Variants in OGDHL observed in about 807,000 individuals in gnomAD.
OGDHL encodes the protein oxoglutarate dehydrogenase L.
In OGDHL, 79 loss-of-function variants were observed where a neutral mutation model predicts 109.6. The observed-to-expected ratio is 0.72, with a 90% CI of 0.60 to 0.87. The LOEUF (loss-of-function observed/expected upper bound fraction) is 0.87, where lower values mean the gene tolerates loss of function less well. Among genes scored for constraint, OGDHL ranks in the 40% least tolerant of loss-of-function variants. The pLI, the probability that OGDHL is intolerant of heterozygous loss-of-function variation, is 0.00. For synonymous variants in OGDHL, 528 were observed against 537.2 expected, an observed-to-expected ratio of 0.98 and a Z score of 0.24; for missense variants, 1,275 against 1,362.2, an observed-to-expected ratio of 0.94 and a Z score of 1.01.
rs199803926 is a variant in OGDHL, at chr10:49,747,043, C to A, written c.1153G>T (p.Ala385Ser). The change falls in exon 9 of 23, where the codon GCC becomes TCC. Residue 385 changes from alanine (A) to serine (S), a missense_variant. By Grantham distance (99) the Ala-to-Ser change is moderately conservative. Coordinates refer to ENST00000374103, the MANE Select transcript of OGDHL (RefSeq NM_018245.3). ...GGTGAGCTCACCTTCTTGCCCTGGG[C>A]ATCTCCACGGTAGAACTGCTCTGCC... is the stretch of plus-strand genomic sequence containing the variant. ...TKAEQFYRGD[A>S]QGKKVMSILV... 2 of 1,614,022 alleles carry A rather than the reference C, an allele frequency of 1.2e-6. No individual in the cohort carries two copies. Among genetic ancestry groups the A allele is most frequent in the Admixed American group, 1.7e-5 (1 of 60,026 alleles).
At chr10:49,749,878 C>A in intron 7 of OGDHL, 62 bp from the exon 8 acceptor site, 3 of 1,448,482 alleles carry the variant, frequency 2.1e-6, no homozygotes, top group Non-Finnish European at 2.8e-6. Context: ...GTTCCCTCCC[C>A]CACTGTGGAG....
At position 49,745,449 on chromosome 10, in the gene OGDHL, G is replaced by A. The variant is rs1324734975; in HGVS notation, c.1524C>T (p.Phe508=). 1 of 1,614,126 alleles carries A rather than the reference G, an allele frequency of 6.2e-7. No individual in the cohort carries two copies. Among genetic ancestry groups the A allele is most frequent in the Non-Finnish European group, 8.5e-7 (1 of 1,180,028 alleles). ...RGHNEMDEPM[F]TQPLMYKQIH... is the part of the protein sequence containing the mutation. ...TCTGCTTGTACATGAGCGGCTGGGT[G>A]AACATGGGCTCGTCCATCTCATTGT... The change falls in exon 12 of 23, where the codon TTC becomes TTT. Residue 508 remains phenylalanine (F), a synonymous_variant. Coordinates refer to ENST00000374103, the MANE Select transcript of OGDHL (RefSeq NM_018245.3).
At chr10:49,755,192 C>G (rs565808177) in intron 3 of OGDHL, among the ~76,000 whole-genome samples, 1 of 152,018 alleles carries the variant, frequency 6.6e-6, no homozygotes, top group Admixed American at 6.5e-5. Context: ...TACAGTGAGT[C>G]GAGACTGCAT....
intron 12 of OGDHL, among the ~76,000 whole-genome samples, chr10:49,745,028 G>T (rs931888332): frequency 1.3e-5 from 2 of 152,218 alleles, no homozygotes; most frequent in Non-Finnish European, 2.9e-5. Context: ...CTCCATGAAG[G>T]TGGAAGGACG....
chr10:49,752,695 C>G lies in OGDHL; in HGVS notation c.421G>C (p.Asp141His), dbSNP rs747374874. The change falls in exon 4 of 23, where the codon GAT becomes CAT. Residue 141 changes from aspartate (D) to histidine (H), a missense_variant. Transcript: ENST00000374103. ...GGCACAAAGGAGTCCAGGTCTGCAT[C>G]CAGAATGCCCAGGGGGTCCAGCTGG... ...VAQLDPLGILDADLDSFVPSD... is the reference protein window; with the variant it reads ...VAQLDPLGILHADLDSFVPSD... The G allele has an allele frequency of 4.4e-5, 71 of 1,614,062 alleles. No individual in the cohort carries two copies. Among genetic ancestry groups the G allele is most frequent in the Non-Finnish European group, 5.5e-5 (65 of 1,180,034 alleles).
In OGDHL at chr10:49,745,422, G is replaced by T. The variant is rs780911440; in HGVS notation, c.1551C>A (p.Ile517=). The T allele has an allele frequency of 6.2e-6, 10 of 1,614,148 alleles. No homozygotes were observed. The highest frequency in any genetic ancestry group is 8.5e-6 in the Non-Finnish European group (10 of 1,180,036). Residue 517 remains isoleucine (I), a synonymous_variant, in exon 12 of 23, where the codon ATC becomes ATA. Transcript: ENST00000374103. ...MFTQPLMYKQ[I]HRQVPVLKKY... ...TCTTCAGCACAGGCACCTGTCTGTG[G>T]ATCTGCTTGTACATGAGCGGCTGGG...
At chr10:49,737,918 G>A (rs766393775) in intron 19 of OGDHL, 29 bp downstream of exon 19, 3 of 1,614,190 alleles carry the variant, frequency 1.9e-6, no homozygotes, top group Middle Eastern at 1.6e-4. Flanking sequence ...CCCCCTGCCT[G>A]TGACCCCTGC....
In OGDHL at chr10:49,747,067, C is replaced by T. The variant is rs1842245394; in HGVS notation, c.1129G>A (p.Ala377Thr). Residue 377 changes from alanine (A) to threonine (T), a missense_variant, in exon 9 of 23, where the codon GCA (alanine) becomes ACA (threonine). Ala to Thr is a moderately conservative substitution (Grantham distance 58). Transcript: ENST00000374103. ...GCATCTCCACGGTAGAACTGCTCTG[C>T]CTTTGTCTTCCCCTGCACCACAGGG... ...VDPVVQGKTK[A>T]EQFYRGDAQG... 6.2e-7 allele frequency: 1 copy of T among 1,614,196 alleles called. No individual in the cohort carries two copies. The highest frequency in any genetic ancestry group is 8.5e-7 in the Non-Finnish European group (1 of 1,180,020).
chr10:49,751,730 C>T (rs1169566258), intron 6 of OGDHL, 97 bp downstream of exon 6: 37 of 1,464,072 alleles, frequency 2.5e-5, no homozygotes, highest in Non-Finnish European at 3.2e-5. Context: ...TCCTGCCTTC[C>T]TGTGGTACCC....
rs369256161 is a variant in OGDHL at position 49,746,743 on chromosome 10, T to C, written c.1296+7A>G. On this transcript the variant is annotated splice_region_variant and intron_variant, in intron 10 of 22. Coordinates refer to ENST00000374103, the MANE Select transcript of OGDHL (RefSeq NM_018245.3). ...TGTGAGGCCCAGCGTGGAGCCTACA[T>C]GCTCACCTGGTTGTTGACGACGACG... 2.3e-5 allele frequency: 37 copies of C among 1,613,988 alleles called. No homozygotes were observed. In the East Asian group the frequency reaches 3.6e-4, roughly 16 times the overall value.
Position 49,761,049 on chromosome 10 carries a change from C to A in OGDHL, c.-2+1190G>T, listed in dbSNP as rs1588822983. ...CCCAGCCTGGCAGGAGGGCAGCCTG[C>A]CACCCACCCCCACCTGCATCCCAGC... is the stretch of plus-strand genomic sequence containing the variant. On this transcript the variant is annotated intron_variant, in intron 1 of 22. Coordinates refer to ENST00000374103, the MANE Select transcript of OGDHL (RefSeq NM_018245.3). Among the ~76,000 whole-genome samples, 3 of 152,308 alleles carry A rather than the reference C, an allele frequency of 2.0e-5. No homozygotes were observed. The South Asian group carries it at 6.2e-4, about 32-fold the overall frequency.
chr10:49,742,575 C>T (rs988491487), intron 15 of OGDHL, among the ~76,000 whole-genome samples: 1 of 130,122 alleles, frequency 7.7e-6, no homozygotes, highest in Non-Finnish European at 1.7e-5. Flanking sequence ...CACACACCCC[C>T]CACACACACA....
intron 10 of OGDHL, 60 bp downstream of exon 10, chr10:49,746,690 C>A (rs1842207120): frequency 1.9e-6 from 3 of 1,597,438 alleles, no homozygotes; most frequent in Non-Finnish European, 2.6e-6. Flanking sequence ...CCGCAAGCTA[C>A]TGCCTGGATT....
rs764656092 is a variant in OGDHL at position 49,736,076 on chromosome 10, A to G, written c.2856T>C (p.Tyr952=). 7 of 1,611,120 alleles carry G rather than the reference A, an allele frequency of 4.3e-6. No individual in the cohort carries two copies. In the South Asian group the frequency reaches 6.6e-5, roughly 15 times the overall value. ...TCATGAAGCGTGGGCTGATGTAGTC[A>G]TAGTAGCCCATGTTCTTGTGCTCCT... ...CQEEHKNMGY[Y]DYISPRFMTI... is the part of the protein sequence containing the mutation. Residue 952 remains tyrosine (Y), a synonymous_variant, in exon 22 of 23, where the codon TAT becomes TAC. Coordinates refer to ENST00000374103, the MANE Select transcript of OGDHL (RefSeq NM_018245.3).
chr10:49,760,202 G>A (rs1039758474), intron 1 of OGDHL, among the ~76,000 whole-genome samples: 2 of 152,246 alleles, frequency 1.3e-5, no homozygotes, highest in Admixed American at 1.3e-4. Context: ...CAGGGAGGAG[G>A]GAGGTGAGCT....
chr10:49,759,411 C>T (rs1210353354), intron 1 of OGDHL, among the ~76,000 whole-genome samples: 2 of 152,094 alleles, frequency 1.3e-5, no homozygotes, highest in East Asian at 1.9e-4. Flanking sequence ...GGGAACCAGG[C>T]CCTGCAGCTC....
At chr10:49,760,260 C>T (rs1483361156) in intron 1 of OGDHL, among the ~76,000 whole-genome samples, 2 of 152,224 alleles carry the variant, frequency 1.3e-5, no homozygotes, top group East Asian at 3.9e-4. Flanking sequence ...TGCTCAGCCC[C>T]TGAGGCTTCG....
chr10:49,755,412 T>C (rs1842859694), intron 3 of OGDHL, among the ~76,000 whole-genome samples: 1 of 152,192 alleles, frequency 6.6e-6, no homozygotes, highest in Non-Finnish European at 1.5e-5. Context: ...AAATGCTATA[T>C]CTGGGATCTG....
intron 13 of OGDHL, 51 bp from the exon 14 acceptor site, chr10:49,744,173 C>A: frequency 1.3e-6 from 2 of 1,596,422 alleles, no homozygotes; most frequent in South Asian, 1.1e-5. Flanking sequence ...GGGTTCTGAT[C>A]CCCCTGGCCA....
Sources: allele counts gnomAD v4.1 joint callset (sites outside exome capture counted in the v4.1 genomes callset), GRCh38; gene constraint gnomAD v4.1.1; transcripts MANE v1.5; gene names NCBI Gene and HGNC (gene_info 2026-07-23, HGNC 2026-07-21).